The following KCNH1 variants were observed in gnomAD, a reference collection of about 807,000 sequenced individuals.
KCNH1 encodes voltage-gated delayed rectifier potassium channel KCNH1.
In KCNH1, 27 loss-of-function variants were observed where a neutral mutation model predicts 69.2. The ratio of observed to expected loss-of-function variants is 0.39; its 90% CI spans 0.29 to 0.54. The LOEUF (loss-of-function observed/expected upper bound fraction) is 0.54. KCNH1 is among the 20% of genes least tolerant of loss of function. The pLI, the probability that KCNH1 is intolerant of heterozygous loss-of-function variation, is 0.68. For missense variants in KCNH1, 798 were observed against 1,261.6 expected (o/e 0.63, Z 5.57); for synonymous variants, 456 against 487.7 (o/e 0.93, Z 0.86).
At chr1:210,907,859 G>C (rs1687148094) in intron 7 of KCNH1, among the ~76,000 whole-genome samples, 1 of 152,186 alleles carries the variant, frequency 6.6e-6, no homozygotes, top group African/African-American at 2.4e-5. Context: ...GAGTTGCCAA[G>C]AGACATTACT....
intron 7 of KCNH1, among the ~76,000 whole-genome samples, chr1:210,917,207 CAGAGAGAG>C (rs140438633): frequency 0.015 from 1,681 of 108,734 alleles, 18 homozygotes; most frequent in African/African-American, 0.019. Context: ...AAGAAAGGGA[CAGAGAGAG>C]AGAGAGAGAG....
intron 7 of KCNH1, among the ~76,000 whole-genome samples, 178 bp from the exon 8 acceptor site, chr1:210,804,344 T>C (rs1000694249): frequency 2.0e-5 from 3 of 152,006 alleles, no homozygotes; most frequent in Admixed American, 6.5e-5. Context: ...GGGGCATGGA[T>C]GCAAAGAAAG....
At chr1:210,696,435 TA>T (rs1256983121) in intron 10 of KCNH1, among the ~76,000 whole-genome samples, 1 of 152,168 alleles carries the variant, frequency 6.6e-6, no homozygotes, top group Non-Finnish European at 1.5e-5. Context: ...AATCCTCTCT[TA>T]AAAAATTAGT....
At chr1:210,792,897 A>T (rs1008570261) in intron 9 of KCNH1, among the ~76,000 whole-genome samples, 3 of 152,178 alleles carry the variant, frequency 2.0e-5, no homozygotes, top group African/African-American at 7.2e-5. Context: ...TCCATGACTC[A>T]TCTATGTTGG....
At chr1:210,872,283 A>G (rs1686270678) in intron 7 of KCNH1, among the ~76,000 whole-genome samples, 1 of 151,952 alleles carries the variant, frequency 6.6e-6, no homozygotes, top group African/African-American at 2.4e-5. Context: ...CTTTCCATAC[A>G]CTCTGCATAC....
chr1:211,004,666 A>C, intron 6 of KCNH1, among the ~76,000 whole-genome samples: 1 of 152,186 alleles, frequency 6.6e-6, no homozygotes, highest in East Asian at 1.9e-4. Context: ...CATCAAATGT[A>C]ATAAAGGTGA....
chr1:210,877,428 CA>C (rs1225997675), intron 7 of KCNH1, among the ~76,000 whole-genome samples: 8 of 152,116 alleles, frequency 5.3e-5, no homozygotes, highest in Non-Finnish European at 1.2e-4. Flanking sequence ...GGCAGGTCAT[CA>C]AAGCAGGTAG....
chr1:210,901,934 A>T (rs1687002344), intron 7 of KCNH1, among the ~76,000 whole-genome samples: 1 of 152,192 alleles, frequency 6.6e-6, no homozygotes, highest in Non-Finnish European at 1.5e-5. Context: ...CACTTTCAAA[A>T]TACCTTTTCC....
intron 5 of KCNH1, among the ~76,000 whole-genome samples, chr1:211,058,733 T>G (rs553230454): frequency 1.4e-4 from 22 of 152,188 alleles, no homozygotes; most frequent in African/African-American, 4.8e-4. Flanking sequence ...AGTCCTTACT[T>G]ACCAATAATA....
chr1:210,956,879 A>AT (rs915180562), intron 6 of KCNH1, among the ~76,000 whole-genome samples: 21 of 151,728 alleles, frequency 1.4e-4, no homozygotes, highest in Non-Finnish European at 2.6e-4. Context: ...GGATTCATTG[A>AT]TTTTTTTGAA....
intron 10 of KCNH1, among the ~76,000 whole-genome samples, chr1:210,699,394 C>T (rs914988063): frequency 1.3e-5 from 2 of 152,194 alleles, no homozygotes; most frequent in African/African-American, 4.8e-5. Flanking sequence ...GAAAGACTGG[C>T]AGGGGAATAC....
intron 7 of KCNH1, among the ~76,000 whole-genome samples, chr1:210,875,638 C>T (rs1414694884): frequency 6.6e-6 from 1 of 151,896 alleles, no homozygotes; most frequent in Non-Finnish European, 1.5e-5. Context: ...CCCATCTCTA[C>T]TAAAAACACA....
chr1:210,729,838 G>T (rs1399178774), intron 10 of KCNH1, among the ~76,000 whole-genome samples: 1 of 152,152 alleles, frequency 6.6e-6, no homozygotes, highest in Non-Finnish European at 1.5e-5. Flanking sequence ...TAAGTGCAGG[G>T]TTTAAGTCAA....
At chr1:210,697,943 A>G (rs1360658021) in intron 10 of KCNH1, among the ~76,000 whole-genome samples, 1 of 152,238 alleles carries the variant, frequency 6.6e-6, no homozygotes, top group Non-Finnish European at 1.5e-5. Context: ...CATATCAAGC[A>G]ATTGTATCAT....
chr1:210,787,046 TAA>T (rs1366619735), intron 9 of KCNH1, among the ~76,000 whole-genome samples: 6 of 152,316 alleles, frequency 3.9e-5, no homozygotes, highest in Non-Finnish European at 8.8e-5. Context: ...TCTTCTGCTT[TAA>T]AATCCTCACT....
intron 6 of KCNH1, among the ~76,000 whole-genome samples, chr1:210,987,117 C>T (rs1287531786): frequency 6.6e-6 from 1 of 152,144 alleles, no homozygotes; most frequent in East Asian, 1.9e-4. Flanking sequence ...GTTCTTGTGC[C>T]TTGGTTTTCA....
At chr1:210,741,804 G>A (rs1027085886) in intron 10 of KCNH1, among the ~76,000 whole-genome samples, 2 of 152,170 alleles carry the variant, frequency 1.3e-5, no homozygotes, top group African/African-American at 4.8e-5. Context: ...TGGGGCACCT[G>A]CTGATTCTTG....
chr1:210,714,771 T>G (rs544801888), intron 10 of KCNH1, among the ~76,000 whole-genome samples: 3 of 152,304 alleles, frequency 2.0e-5, no homozygotes, highest in African/African-American at 7.2e-5. Flanking sequence ...ACACTCTGCA[T>G]GTACTTTGTC....
intron 9 of KCNH1, among the ~76,000 whole-genome samples, chr1:210,793,843 C>T (rs944430696): frequency 4.6e-5 from 7 of 152,188 alleles, no homozygotes; most frequent in Non-Finnish European, 1.5e-5. Context: ...TCCAATGATC[C>T]TCTAGAATAC....
Sources: gnomAD v4.1 joint callset for allele counts (sites outside exome capture counted in the v4.1 genomes callset) on GRCh38, gnomAD v4.1.1 for gene constraint, MANE v1.5 for transcripts, NCBI Gene and HGNC (gene_info 2026-07-23, HGNC 2026-07-21) for gene names.